The following SAMD12 variants were observed in gnomAD, a reference collection of about 807,000 sequenced individuals.
The protein encoded by SAMD12 is sterile alpha motif domain containing 12.
SAMD12 carries 9 observed loss-of-function variants against 15.0 expected under a neutral mutation model. The ratio of observed to expected loss-of-function variants is 0.60; its 90% CI spans 0.36 to 1.05. SAMD12 has a LOEUF of 1.05. SAMD12 is among the 50% of genes least tolerant of loss of function. The pLI is 0.01. For synonymous variants in SAMD12, 86 were observed against 90.1 expected (o/e 0.96, Z 0.25); for missense variants, 230 against 234.2 (o/e 0.98, Z 0.12).
intron 2 of SAMD12, among the ~76,000 whole-genome samples, chr8:118,507,304 T>G (rs1388049588): frequency 6.6e-6 from 1 of 152,102 alleles, no homozygotes; most frequent in Non-Finnish European, 1.5e-5. Context: ...GATCTCTCCC[T>G]CCTCTGAACT....
chr8:118,177,585 G>C, the SAMD12 span, among the ~76,000 whole-genome samples: 1 of 152,122 alleles, frequency 6.6e-6, no homozygotes, highest in Non-Finnish European at 1.5e-5. Context: ...TAGGCACGGT[G>C]GCTCATAGAT....
intron 4 of SAMD12, among the ~76,000 whole-genome samples, chr8:118,312,283 C>T (rs1358168729): frequency 2.0e-5 from 3 of 152,028 alleles, no homozygotes; most frequent in Non-Finnish European, 2.9e-5. Context: ...CAAATATAAA[C>T]ACCCTCTGAC....
the SAMD12 span, among the ~76,000 whole-genome samples, chr8:118,140,714 G>T: frequency 1.3e-5 from 2 of 152,202 alleles, no homozygotes; most frequent in Non-Finnish European, 2.9e-5. Context: ...ACATTTTCTA[G>T]CCTCTTTTGC....
intron 2 of SAMD12, among the ~76,000 whole-genome samples, chr8:118,452,590 T>C (rs1823116230): frequency 6.6e-6 from 1 of 152,204 alleles, no homozygotes; most frequent in South Asian, 2.1e-4. Flanking sequence ...TAATAAATAA[T>C]AATGGGCCCT....
the SAMD12 span, among the ~76,000 whole-genome samples, chr8:118,160,682 G>A: frequency 1.3e-5 from 2 of 152,192 alleles, no homozygotes; most frequent in Non-Finnish European, 2.9e-5. Flanking sequence ...CAAAAGTTGA[G>A]TGAAAATGGA....
At chr8:118,281,021 T>C (rs1006301464) in intron 4 of SAMD12, among the ~76,000 whole-genome samples, 1 of 152,186 alleles carries the variant, frequency 6.6e-6, no homozygotes, top group African/African-American at 2.4e-5. Context: ...ACTCTTTATA[T>C]TGTTAAAACT....
chr8:118,454,018 T>C (rs1265192446), intron 2 of SAMD12, among the ~76,000 whole-genome samples: 1 of 152,172 alleles, frequency 6.6e-6, no homozygotes, highest in African/African-American at 2.4e-5. Context: ...TTTCCTCCAT[T>C]GCTGCCCTGG....
intron 4 of SAMD12, among the ~76,000 whole-genome samples, chr8:118,249,219 T>C (rs1210964909): frequency 6.6e-6 from 1 of 152,168 alleles, no homozygotes; most frequent in Admixed American, 6.5e-5. Flanking sequence ...ACCACAAATA[T>C]AGCCTAACTC....
chr8:118,322,027 T>C (rs1480564793), intron 4 of SAMD12, among the ~76,000 whole-genome samples: 1 of 152,112 alleles, frequency 6.6e-6, no homozygotes. Context: ...AGATTATCCC[T>C]CCTGTTCACC....
At chr8:118,314,271 C>T (rs1419335867) in intron 4 of SAMD12, among the ~76,000 whole-genome samples, 1 of 151,998 alleles carries the variant, frequency 6.6e-6, no homozygotes, top group Non-Finnish European at 1.5e-5. Context: ...TAAAATATAC[C>T]AGCTTTCTTC....
chr8:118,431,825 T>C (rs1449555595), intron 3 of SAMD12, among the ~76,000 whole-genome samples: 1 of 152,154 alleles, frequency 6.6e-6, no homozygotes, highest in African/African-American at 2.4e-5. Flanking sequence ...AAATCTGTTG[T>C]CATTACTATT....
intron 1 of SAMD12, among the ~76,000 whole-genome samples, chr8:118,585,339 A>G (rs1827411326): frequency 6.6e-6 from 1 of 152,184 alleles, no homozygotes; most frequent in Non-Finnish European, 1.5e-5. Context: ...TCACTTTGGG[A>G]TGATGAAAAC....
chr8:118,212,794 G>A (rs905666623), intron 4 of SAMD12, among the ~76,000 whole-genome samples: 2 of 152,148 alleles, frequency 1.3e-5, no homozygotes, highest in African/African-American at 2.4e-5. Flanking sequence ...CACAATCACA[G>A]GCCACTTCAG....
downstream of SAMD12, among the ~76,000 whole-genome samples, chr8:118,185,627 G>A (rs1819230088): frequency 6.6e-6 from 1 of 152,148 alleles, no homozygotes; most frequent in Admixed American, 6.5e-5. Context: ...CTGAAGTAGT[G>A]TGCTACAAAG....
At chr8:118,250,916 G>A (rs568225452) in intron 4 of SAMD12, among the ~76,000 whole-genome samples, 29 of 152,158 alleles carry the variant, frequency 1.9e-4, no homozygotes, top group African/African-American at 7.0e-4. Flanking sequence ...TCCTACACAG[G>A]ACTGCCATAT....
chr8:118,258,874 G>A (rs745736616), intron 4 of SAMD12, among the ~76,000 whole-genome samples: 8 of 152,118 alleles, frequency 5.3e-5, no homozygotes, highest in Non-Finnish European at 1.2e-4. Context: ...ATTGAGAAAT[G>A]AGAAGGCCTC....
intron 2 of SAMD12, among the ~76,000 whole-genome samples, chr8:118,516,472 T>C (rs995239914): frequency 2.0e-5 from 3 of 152,192 alleles, no homozygotes; most frequent in Non-Finnish European, 2.9e-5. Context: ...TATAGATTGC[T>C]ATCCTGGGTA....
intron 4 of SAMD12, among the ~76,000 whole-genome samples, chr8:118,353,879 G>T (rs1818089062): frequency 6.6e-6 from 1 of 152,066 alleles, no homozygotes; most frequent in East Asian, 1.9e-4. Flanking sequence ...GAGAGGTGAG[G>T]CTATCCTTTC....
intron 4 of SAMD12, among the ~76,000 whole-genome samples, chr8:118,296,948 T>C (rs1181348412): frequency 1.3e-5 from 2 of 152,346 alleles, no homozygotes; most frequent in Middle Eastern, 3.4e-3. Flanking sequence ...TTAGAATGAA[T>C]GACATTCTGG....
Sources: allele counts gnomAD v4.1 joint callset (sites outside exome capture counted in the v4.1 genomes callset), GRCh38; gene constraint gnomAD v4.1.1; transcripts MANE v1.5; gene names NCBI Gene and HGNC (gene_info 2026-07-23, HGNC 2026-07-21).